COPG2: variants seen among roughly 807,000 people sequenced by gnomAD.
The protein encoded by COPG2 is coat protein complex I subunit gamma 2.
Under a neutral mutation model 46.3 loss-of-function variants are expected in COPG2, and 37 were observed. That is an observed-to-expected ratio of 0.80 (90% confidence interval 0.61 to 1.05). COPG2 has a LOEUF of 1.05. Ranked by LOEUF, COPG2 falls within the 50% of genes least tolerant of loss-of-function variation. The probability of loss-of-function intolerance (pLI) is 0.00; values close to 1 mark genes in which losing one functional copy is unlikely to be tolerated. For synonymous variants in COPG2, 159 were observed against 129.7 expected, an observed-to-expected ratio of 1.23 and a Z score of -1.53; for missense variants, 427 against 387.8, an observed-to-expected ratio of 1.10 and a Z score of -0.85.
chr7:130,517,131 G>C (rs1351472246), intron 20 of COPG2, among the ~76,000 whole-genome samples: 1 of 152,054 alleles, frequency 6.6e-6, no homozygotes, highest in African/African-American at 2.4e-5. Flanking sequence ...GAAAGTGAAG[G>C]GTTCCTGCTG....
At chr7:130,582,867 T>C (rs1372032371) in intron 9 of COPG2, among the ~76,000 whole-genome samples, 2 of 151,884 alleles carry the variant, frequency 1.3e-5, no homozygotes, top group Non-Finnish European at 2.9e-5. Flanking sequence ...GGAGAGGATG[T>C]GGAGAAATAG....
At chr7:130,542,606 G>A (rs1793352252) in intron 20 of COPG2, among the ~76,000 whole-genome samples, 1 of 152,104 alleles carries the variant, frequency 6.6e-6, no homozygotes, top group Non-Finnish European at 1.5e-5. Flanking sequence ...ACTGGATGTT[G>A]AAGATGAAAA....
rs1332624413 is a variant in COPG2 at position 130,668,540 on chromosome 7, C to T, written c.37+92G>A. On this transcript the variant is annotated intron_variant, in intron 1 of 23. Transcript: ENST00000425248. ...GCCCCCTGGCACGGCGGCGCCCACGCCCCCAGCCCCGCCGGCCTGAAAGCA... is the reference window on the plus strand; with the variant it reads ...GCCCCCTGGCACGGCGGCGCCCACGTCCCCAGCCCCGCCGGCCTGAAAGCA... 5 of 1,272,498 alleles carry T rather than the reference C, an allele frequency of 3.9e-6. No individual in the cohort carries two copies. The African/African-American group carries it at 4.7e-5, about 12-fold the overall frequency. The allele number at this position is 1,272,498 out of a possible 1,614,324, so 78.8% of individuals were successfully genotyped here.
intron 9 of COPG2, chr7:130,610,749 A>C: frequency 1.5e-6 from 1 of 660,124 alleles, no homozygotes; most frequent in South Asian, 1.7e-5. Flanking sequence ...TGTGCTATTA[A>C]TAATTAAGTA....
At chr7:130,667,980 C>T (rs555488552) in intron 1 of COPG2, among the ~76,000 whole-genome samples, 1 of 152,252 alleles carries the variant, frequency 6.6e-6, no homozygotes, top group African/African-American at 2.4e-5. Flanking sequence ...CTAACCCAAC[C>T]CCCTCTCACA....
intron 9 of COPG2, among the ~76,000 whole-genome samples, chr7:130,583,332 C>G (rs1478241242): frequency 7.3e-6 from 1 of 137,776 alleles, no homozygotes; most frequent in East Asian, 2.1e-4. Context: ...GAATATCACA[C>G]TCTGGGGACT....
At chr7:130,635,161 C>T (rs1251684960) in intron 5 of COPG2, among the ~76,000 whole-genome samples, 2 of 151,372 alleles carry the variant, frequency 1.3e-5, no homozygotes, top group Non-Finnish European at 2.9e-5. Context: ...GGTTATTGGC[C>T]TGAAATTTTC....
intron 5 of COPG2, among the ~76,000 whole-genome samples, chr7:130,628,647 C>A (rs182873619): frequency 1.3e-3 from 193 of 152,248 alleles, no homozygotes; most frequent in Middle Eastern, 3.4e-3. Flanking sequence ...TTGTGTAGCT[C>A]CAAGTTTCTG....
chr7:130,599,894 T>C (rs907234824), intron 9 of COPG2, among the ~76,000 whole-genome samples: 4 of 152,194 alleles, frequency 2.6e-5, no homozygotes, highest in Non-Finnish European at 5.9e-5. Context: ...ACTGTATATA[T>C]TGGACACACA....
At chr7:130,584,568 T>G (rs1243644688) in intron 9 of COPG2, among the ~76,000 whole-genome samples, 2 of 151,878 alleles carry the variant, frequency 1.3e-5, no homozygotes, top group Non-Finnish European at 2.9e-5. Flanking sequence ...CCCTAAAGAC[T>G]CCTCCAGAAA....
At chr7:130,606,260 A>AG (rs1794726808) in intron 9 of COPG2, among the ~76,000 whole-genome samples, 3 of 145,368 alleles carry the variant, frequency 2.1e-5, no homozygotes, top group African/African-American at 7.7e-5. Flanking sequence ...GAGAGAGAGA[A>AG]AGAAAGAGAA....
chr7:130,667,611 C>CTGAA, intron 1 of COPG2, 77 bp from the exon 2 acceptor site: 1 of 1,190,634 alleles, frequency 8.4e-7, no homozygotes, highest in Non-Finnish European at 1.2e-6. Flanking sequence ...GAGAAGGGTA[C>CTGAA]TGAATGCTTG....
At chr7:130,526,366 G>A (rs1799774636) in intron 20 of COPG2, among the ~76,000 whole-genome samples, 1 of 152,134 alleles carries the variant, frequency 6.6e-6, no homozygotes, top group South Asian at 2.1e-4. Flanking sequence ...AATAGGCCCT[G>A]GGTGGTTGAG....
At chr7:130,549,222 A>T (rs1252945730) in intron 18 of COPG2, 92 bp downstream of exon 18, 1 of 397,828 alleles carries the variant, frequency 2.5e-6, no homozygotes, top group African/African-American at 2.1e-5. Flanking sequence ...TCCTATATTG[A>T]GAACCGATCA....
intron 20 of COPG2, among the ~76,000 whole-genome samples, chr7:130,513,375 ATG>A (rs1168901549): frequency 1.7e-4 from 8 of 45,946 alleles, no homozygotes; most frequent in South Asian, 7.9e-4. Context: ...ATATATATAT[ATG>A]TGTGTGTGTG....
chr7:130,529,906 T>C (rs1799807163), intron 20 of COPG2, among the ~76,000 whole-genome samples: 1 of 152,208 alleles, frequency 6.6e-6, no homozygotes, highest in African/African-American at 2.4e-5. Context: ...GATGGAGGTA[T>C]AGCTTGTAAT....
At chr7:130,647,383 CCATGGATATTT>C (rs1795634254) in intron 5 of COPG2, among the ~76,000 whole-genome samples, 1 of 152,056 alleles carries the variant, frequency 6.6e-6, no homozygotes, top group African/African-American at 2.4e-5. Flanking sequence ...AATACAAACT[CCATGGATATTT>C]TTTCATAACA....
At chr7:130,544,372 A>G (rs1793393260) in intron 20 of COPG2, among the ~76,000 whole-genome samples, 1 of 152,342 alleles carries the variant, frequency 6.6e-6, no homozygotes, top group Admixed American at 6.5e-5. Flanking sequence ...AAATTAAAAT[A>G]ATTATGAATC....
intron 9 of COPG2, chr7:130,610,124 TTTGA>T (rs1794816475): frequency 5.8e-6 from 3 of 519,120 alleles, no homozygotes; most frequent in East Asian, 5.5e-5. Context: ...CTCTGTATTT[TTTGA>T]TTGTTTGCTA....
Sources: gnomAD v4.1 joint callset for allele counts (sites outside exome capture counted in the v4.1 genomes callset) on GRCh38, gnomAD v4.1.1 for gene constraint, MANE v1.5 for transcripts, NCBI Gene and HGNC (gene_info 2026-07-23, HGNC 2026-07-21) for gene names.